Variants in CPNE8 observed in about 807,000 individuals in gnomAD.
CPNE8 encodes copine 8.
Under a neutral mutation model 81.5 loss-of-function variants are expected in CPNE8, and 45 were observed. That is an observed-to-expected ratio of 0.55 (90% CI 0.44 to 0.71). The LOEUF (loss-of-function observed/expected upper bound fraction) is 0.71. CPNE8 is among the 30% of genes least tolerant of loss of function. CPNE8 has a pLI of 0.00. For missense variants in CPNE8, 594 were observed against 672.1 expected, an observed-to-expected ratio of 0.88 and a Z score of 1.28; for synonymous variants, 252 against 226.3, an observed-to-expected ratio of 1.11 and a Z score of -1.02.
At chr12:38,877,564 T>C (rs1944085598) in intron 1 of CPNE8, among the ~76,000 whole-genome samples, 1 of 152,108 alleles carries the variant, frequency 6.6e-6, no homozygotes, top group South Asian at 2.1e-4. Flanking sequence ...AAGAACAAAT[T>C]CTTCAATAGA....
chr12:38,764,253 AG>A (rs1422171284), intron 8 of CPNE8, among the ~76,000 whole-genome samples: 4 of 152,190 alleles, frequency 2.6e-5, no homozygotes, highest in Admixed American at 1.3e-4. Context: ...CAAAGTGGAT[AG>A]GGCAAGTTAG....
intron 6 of CPNE8, among the ~76,000 whole-genome samples, chr12:38,799,221 T>A (rs879888303): frequency 5.9e-5 from 9 of 152,052 alleles, no homozygotes; most frequent in Non-Finnish European, 1.3e-4. Flanking sequence ...TACAGAACTC[T>A]CCACCCTAAA....
At chr12:38,735,394 G>C (rs1426356649) in intron 10 of CPNE8, among the ~76,000 whole-genome samples, 1 of 151,952 alleles carries the variant, frequency 6.6e-6, no homozygotes, top group Non-Finnish European at 1.5e-5. Context: ...GTTTTTCAGA[G>C]GTGACTGGAA....
intron 6 of CPNE8, among the ~76,000 whole-genome samples, chr12:38,812,063 T>A (rs1468556824): frequency 6.6e-6 from 1 of 152,052 alleles, no homozygotes; most frequent in Non-Finnish European, 1.5e-5. Context: ...CAATATAAAC[T>A]GAAGTAAGAC....
intron 4 of CPNE8, among the ~76,000 whole-genome samples, chr12:38,842,148 G>A (rs1181966514): frequency 6.6e-6 from 1 of 151,898 alleles, no homozygotes; most frequent in Non-Finnish European, 1.5e-5. Flanking sequence ...TTTTAAATCA[G>A]CAAATTGCCA....
intron 14 of CPNE8, among the ~76,000 whole-genome samples, chr12:38,701,844 A>C (rs2136689019): frequency 6.6e-6 from 1 of 152,306 alleles, no homozygotes; most frequent in African/African-American, 2.4e-5. Flanking sequence ...CACGAGTAAA[A>C]ATAATTAATT....
At chr12:38,676,886 G>A (rs10875963) in intron 17 of CPNE8, among the ~76,000 whole-genome samples, 117,197 of 152,048 alleles carry the variant, frequency 0.77, 49,937 homozygotes, top group Middle Eastern at 0.97. Context: ...CCTGCAGCCT[G>A]TATTTATCAA....
intron 10 of CPNE8, among the ~76,000 whole-genome samples, chr12:38,739,166 T>C (rs902852260): frequency 6.6e-6 from 1 of 152,192 alleles, no homozygotes; most frequent in South Asian, 2.1e-4. Context: ...GATTTTGTGA[T>C]AGGCTTCAAT....
At chr12:38,722,846 G>T (rs1284002854) in intron 13 of CPNE8, among the ~76,000 whole-genome samples, 1 of 152,050 alleles carries the variant, frequency 6.6e-6, no homozygotes, top group African/African-American at 2.4e-5. Flanking sequence ...GGAGGTGATT[G>T]GATCATGGGG....
intron 6 of CPNE8, among the ~76,000 whole-genome samples, chr12:38,811,711 C>A (rs1028585085): frequency 7.2e-5 from 11 of 152,070 alleles, no homozygotes; most frequent in African/African-American, 2.4e-4. Flanking sequence ...ACAAACAAAC[C>A]AAGGTTTTTA....
intron 10 of CPNE8, among the ~76,000 whole-genome samples, chr12:38,759,183 T>G (rs74568261): frequency 0.016 from 2,383 of 152,288 alleles, 55 homozygotes; most frequent in African/African-American, 0.053. Flanking sequence ...CAGCCTCAAG[T>G]ATCGTGTTTT....
chr12:38,838,406 C>A (rs1943419053), intron 5 of CPNE8, among the ~76,000 whole-genome samples: 1 of 152,082 alleles, frequency 6.6e-6, no homozygotes, highest in Non-Finnish European at 1.5e-5. Flanking sequence ...TGCCAGCTCC[C>A]ATAAAGCCAA....
intron 3 of CPNE8, among the ~76,000 whole-genome samples, chr12:38,865,981 T>C (rs1395479300): frequency 6.6e-6 from 1 of 152,228 alleles, no homozygotes; most frequent in African/African-American, 2.4e-5. Flanking sequence ...TTGTAAATAC[T>C]ATTTTACGTC....
intron 6 of CPNE8, 25 bp downstream of exon 6, chr12:38,829,354 A>T: frequency 3.3e-6 from 5 of 1,507,270 alleles, no homozygotes; most frequent in Non-Finnish European, 4.6e-6. Flanking sequence ...TTGGCATTTC[A>T]TTGTCTGAAT....
At position 38,767,738 on chromosome 12, in the gene CPNE8, C is replaced by A; in HGVS notation, c.472G>T (p.Asp158Tyr). 6.5e-7 allele frequency: 1 copy of A among 1,529,962 alleles called. No individual in the cohort carries two copies. The highest frequency in any genetic ancestry group is 2.5e-5 in the East Asian group (1 of 39,996). 94.8% of individuals were successfully genotyped at this position (1,529,962 alleles called of 1,614,324 possible). Residue 158 changes from aspartate to tyrosine, a missense_variant and splice_region_variant, in exon 8 of 20, where the codon GAT becomes TAT. Physicochemically the swap from Asp to Tyr is radical, Grantham distance 160 (BLOSUM62 -3). Coordinates refer to ENST00000331366, the MANE Select transcript of CPNE8 (RefSeq NM_153634.3). ...LTAEELNCCRDAVLMQFCANK... is the reference protein window; with the variant it reads ...LTAEELNCCRYAVLMQFCANK... Reference sequence around the variant, plus strand: ...GCACAAAATTGCATCAAAACGGCATCCTAAAAACAAAATTAATAAAACAGT... The same window carrying A: ...GCACAAAATTGCATCAAAACGGCATACTAAAAACAAAATTAATAAAACAGT...
At chr12:38,819,191 G>A (rs937851695) in intron 6 of CPNE8, among the ~76,000 whole-genome samples, 1 of 152,084 alleles carries the variant, frequency 6.6e-6, no homozygotes, top group Non-Finnish European at 1.5e-5. Flanking sequence ...TGGTGTTTTA[G>A]TCATGAAGTC....
chr12:38,767,701 T>C lies in CPNE8; in HGVS notation c.509A>G (p.Asp170Gly). ...TGATTTTCCAAAGAAGTCCTTCTTG[T>C]CCAATTTGTTCGCACAAAATTGCAT... ...VLMQFCANKLDKKDFFGKSDP... is the reference protein window; with the variant it reads ...VLMQFCANKLGKKDFFGKSDP... The change falls in exon 8 of 20, where the codon GAC (aspartate) becomes GGC (glycine). Residue 170 changes from aspartate to glycine, a missense_variant. Physicochemically the swap from Asp to Gly is moderately conservative, Grantham distance 94. Transcript: ENST00000331366. The C allele has an allele frequency of 6.4e-7, 1 of 1,559,296 alleles. No individual in the cohort carries two copies. Among genetic ancestry groups the C allele is most frequent in the Non-Finnish European group, 8.6e-7 (1 of 1,159,006 alleles).
chr12:38,877,846 A>G (rs1944089151), intron 1 of CPNE8, among the ~76,000 whole-genome samples: 1 of 152,190 alleles, frequency 6.6e-6, no homozygotes, highest in Non-Finnish European at 1.5e-5. Flanking sequence ...AGGTAAAATA[A>G]GGCTGAGACC....
chr12:38,742,477 A>T (rs1941130024), intron 10 of CPNE8, among the ~76,000 whole-genome samples: 1 of 147,778 alleles, frequency 6.8e-6, no homozygotes, highest in African/African-American at 2.5e-5. Flanking sequence ...GGAACTGAAC[A>T]ATGAGAACAC....
Sources: gnomAD v4.1 joint callset for allele counts (sites outside exome capture counted in the v4.1 genomes callset) on GRCh38, gnomAD v4.1.1 for gene constraint, MANE v1.5 for transcripts, NCBI Gene and HGNC (gene_info 2026-07-23, HGNC 2026-07-21) for gene names.